RAD51B: variants seen among roughly 807,000 people sequenced by gnomAD.
RAD51B encodes the protein RAD51 paralog B.
A neutral mutation model predicts 42.2 loss-of-function variants in RAD51B; 38 were observed. That is an observed-to-expected ratio of 0.90 (90% CI 0.70 to 1.18). The LOEUF (loss-of-function observed/expected upper bound fraction) is 1.18. Among genes scored for constraint, RAD51B ranks in the 50% most tolerant of loss-of-function variants. RAD51B has a pLI of 0.00. For missense variants in RAD51B, 373 were observed against 400.7 expected (o/e 0.93, Z 0.59); for synonymous variants, 154 against 145.2 (o/e 1.06, Z -0.43).
chr14:68,481,841 G>C (rs756304027), downstream of RAD51B, among the ~76,000 whole-genome samples: 1 of 152,176 alleles, frequency 6.6e-6, no homozygotes, highest in Non-Finnish European at 1.5e-5. Context: ...AAAGAACTCA[G>C]TGAATATTTT....
intron 7 of RAD51B, among the ~76,000 whole-genome samples, chr14:67,959,586 A>G (rs1038977787): frequency 3.9e-5 from 6 of 152,276 alleles, no homozygotes; most frequent in Non-Finnish European, 5.9e-5. Context: ...TTGAAAAATA[A>G]TGGTAAGCCG....
At chr14:68,654,030 T>C (rs1892758615) in intron 11 of RAD51B, among the ~76,000 whole-genome samples, 1 of 152,016 alleles carries the variant, frequency 6.6e-6, no homozygotes, top group African/African-American at 2.4e-5. Context: ...AGCAAGAAGG[T>C]TTGTAAGCTG....
intron 8 of RAD51B, among the ~76,000 whole-genome samples, chr14:68,375,583 GTAAC>G (rs2083351876): frequency 6.6e-6 from 1 of 151,944 alleles, no homozygotes; most frequent in African/African-American, 2.4e-5. Flanking sequence ...TCTCACAACT[GTAAC>G]TAACTGATTA....
chr14:68,336,830 G>A (rs1263693125), intron 8 of RAD51B, among the ~76,000 whole-genome samples: 1 of 152,150 alleles, frequency 6.6e-6, no homozygotes, highest in East Asian at 1.9e-4. Context: ...TTGAAAGACA[G>A]CTAACCATTT....
At chr14:68,577,430 C>G (rs546768724) in intron 10 of RAD51B, among the ~76,000 whole-genome samples, 70 of 152,152 alleles carry the variant, frequency 4.6e-4, no homozygotes, top group African/African-American at 1.7e-3. Context: ...TCTCTCCCTC[C>G]TTTAGTTTAG....
intron 7 of RAD51B, among the ~76,000 whole-genome samples, chr14:68,105,532 A>G (rs1469298287): frequency 6.6e-6 from 1 of 151,836 alleles, no homozygotes; most frequent in Non-Finnish European, 1.5e-5. Context: ...ATTATTTTAT[A>G]CTTTCTGTTT....
intron 8 of RAD51B, among the ~76,000 whole-genome samples, chr14:68,406,023 T>A (rs2140066349): frequency 6.6e-6 from 1 of 152,266 alleles, no homozygotes; most frequent in Admixed American, 6.5e-5. Context: ...AAGATAGAAT[T>A]AAGGATGTAA....
chr14:68,050,690 A>G (rs2076378140), intron 7 of RAD51B, among the ~76,000 whole-genome samples: 1 of 152,082 alleles, frequency 6.6e-6, no homozygotes, highest in Non-Finnish European at 1.5e-5. Flanking sequence ...TGGAGAAGGA[A>G]GTTTACCTGC....
intron 7 of RAD51B, among the ~76,000 whole-genome samples, chr14:68,012,404 G>T (rs1183129182): frequency 1.3e-5 from 2 of 151,784 alleles, no homozygotes; most frequent in Non-Finnish European, 2.9e-5. Context: ...AGTTTTAAGT[G>T]ATTGTAACAA....
chr14:68,478,412 T>A (rs536806575), downstream of RAD51B, among the ~76,000 whole-genome samples: 32 of 152,342 alleles, frequency 2.1e-4, no homozygotes, highest in Admixed American at 1.9e-3. Context: ...GATGAAATGA[T>A]TTCTTTAGAT....
chr14:67,848,370 A>G (rs2139934686), intron 4 of RAD51B, among the ~76,000 whole-genome samples: 1 of 152,124 alleles, frequency 6.6e-6, no homozygotes, highest in East Asian at 1.9e-4. Context: ...CTTAGTCGTT[A>G]TGGTTTAAAG....
intron 7 of RAD51B, among the ~76,000 whole-genome samples, chr14:68,103,593 C>T (rs906864703): frequency 6.6e-6 from 1 of 152,100 alleles, no homozygotes; most frequent in Non-Finnish European, 1.5e-5. Context: ...TGTCTGCACC[C>T]ATTTCTCATT....
chr14:68,371,661 A>G (rs2083268000), intron 8 of RAD51B, among the ~76,000 whole-genome samples: 1 of 152,220 alleles, frequency 6.6e-6, no homozygotes, highest in Non-Finnish European at 1.5e-5. Context: ...CTGGGCAACA[A>G]ACACAGTGAG....
At chr14:68,467,677 A>C (rs2086018558) in intron 9 of RAD51B, among the ~76,000 whole-genome samples, 1 of 152,254 alleles carries the variant, frequency 6.6e-6, no homozygotes. Context: ...GTAATAGAAA[A>C]TGTAGTCACG....
At chr14:68,038,909 C>T (rs1280631768) in intron 7 of RAD51B, among the ~76,000 whole-genome samples, 1 of 152,060 alleles carries the variant, frequency 6.6e-6, no homozygotes, top group African/African-American at 2.4e-5. Context: ...TTATTTGTGT[C>T]TCTTGTATCT....
intron 10 of RAD51B, among the ~76,000 whole-genome samples, chr14:68,569,762 C>A (rs1442139881): frequency 6.6e-6 from 1 of 152,178 alleles, no homozygotes; most frequent in Non-Finnish European, 1.5e-5. Context: ...GCCATGGAAC[C>A]GGGCCTGAAG....
intron 7 of RAD51B, among the ~76,000 whole-genome samples, chr14:68,094,842 C>A (rs1218263581): frequency 6.6e-6 from 1 of 152,088 alleles, no homozygotes; most frequent in African/African-American, 2.4e-5. Context: ...GAGTAAGATG[C>A]CTATAAGGAA....
intron 10 of RAD51B, among the ~76,000 whole-genome samples, chr14:68,550,834 G>A (rs947330263): frequency 4.6e-5 from 7 of 152,124 alleles, no homozygotes; most frequent in Non-Finnish European, 1.0e-4. Context: ...AAGACATTGG[G>A]AAATAATAGC....
At chr14:68,519,922 G>A (rs2107341) in intron 10 of RAD51B, among the ~76,000 whole-genome samples, 30,973 of 152,232 alleles carry the variant, frequency 0.2, 3,801 homozygotes, top group Admixed American at 0.27. Flanking sequence ...AAAAAAAGGA[G>A]AAGAGAGAAC....
Sources: gnomAD v4.1 joint callset for allele counts (sites outside exome capture counted in the v4.1 genomes callset) on GRCh38, gnomAD v4.1.1 for gene constraint, MANE v1.5 for transcripts, NCBI Gene and HGNC (gene_info 2026-07-23, HGNC 2026-07-21) for gene names.